Variants in TTC39B observed in about 807,000 individuals in gnomAD.
TTC39B encodes the protein tetratricopeptide repeat domain 39B.
Under a neutral mutation model 96.6 loss-of-function variants are expected in TTC39B, and 92 were observed. The ratio of observed to expected loss-of-function variants is 0.95; its 90% CI spans 0.80 to 1.13. The LOEUF is 1.13. Ranked by LOEUF, TTC39B falls within the 50% of genes most tolerant of loss-of-function variation. TTC39B has a pLI of 0.00. For missense variants in TTC39B, 955 were observed against 809.3 expected (o/e 1.18, Z -2.18); for synonymous variants, 367 against 299.4 (o/e 1.23, Z -2.33).
At chr9:15,283,585 G>A (rs1241249193) in intron 1 of TTC39B, among the ~76,000 whole-genome samples, 1 of 152,090 alleles carries the variant, frequency 6.6e-6, no homozygotes, top group African/African-American at 2.4e-5. Flanking sequence ...ACTCTCAGTG[G>A]AACCTGACAA....
intron 2 of TTC39B, among the ~76,000 whole-genome samples, chr9:15,257,542 C>T (rs776626253): frequency 1.8e-4 from 28 of 152,092 alleles, no homozygotes; most frequent in East Asian, 9.7e-4. Context: ...TCGACTTCTG[C>T]GGCTCAAATG....
At chr9:15,218,635 A>AAAAAAAAAAATATAT (rs374054306) in intron 3 of TTC39B, among the ~76,000 whole-genome samples, 1 of 149,448 alleles carries the variant, frequency 6.7e-6, no homozygotes, top group African/African-American at 2.5e-5. Context: ...GTCTATTTTA[A>AAAAAAAAAAATATAT]ATATATATAT....
chr9:15,285,022 G>A (rs2798737), intron 1 of TTC39B, among the ~76,000 whole-genome samples: 78,729 of 151,830 alleles, frequency 0.52, 20,639 homozygotes, highest in East Asian at 0.7. Context: ...AGCACTTTGG[G>A]AGGCCGAGGC....
chr9:15,200,714 G>A (rs1220489900), intron 7 of TTC39B, among the ~76,000 whole-genome samples: 2 of 152,218 alleles, frequency 1.3e-5, no homozygotes, highest in Admixed American at 1.3e-4. Flanking sequence ...TCAGAAAGAT[G>A]CTCTGGCTGG....
chr9:15,199,953 A>T (rs774267498), intron 7 of TTC39B, 28 bp from the exon 8 acceptor site: 1 of 1,385,846 alleles, frequency 7.2e-7, no homozygotes, highest in South Asian at 1.2e-5. Context: ...AAAAAATTAG[A>T]TTATTTAGCA....
Position 15,244,460 on chromosome 9 carries a change from C to T in TTC39B, c.276-18448G>A, listed in dbSNP as rs142287411. ...TGCAAAAGCAAAGCAGCAATAACAA[C>T]ACCTGCCCTATGTCCCTCCCAGAGA... On this transcript the variant is annotated intron_variant, in intron 2 of 19. Transcript: ENST00000512701. 9.2e-5 allele frequency among the ~76,000 whole-genome samples: 14 copies of T among 152,354 alleles called. No individual in the cohort carries two copies. In the East Asian group the frequency reaches 2.5e-3, roughly 27 times the overall value.
intron 17 of TTC39B, among the ~76,000 whole-genome samples, chr9:15,180,607 T>G (rs1016626115): frequency 1.3e-5 from 2 of 151,830 alleles, no homozygotes; most frequent in African/African-American, 4.8e-5. Flanking sequence ...ATAATGGGGG[T>G]GGGGGATGGG....
rs776954417 is a variant in TTC39B, at chr9:15,210,137, T to C, written c.642A>G (p.Glu214=). The change falls in exon 6 of 20, where the codon GAA becomes GAG. Residue 214 remains glutamate (E), a synonymous_variant. Coordinates refer to ENST00000512701, the Ensembl canonical transcript of TTC39B. ...CTCTAGAAAGAAGACTTGAGAAAGA[T>C]TCTACAACTGTGTATTTTTTCCTGT... is the stretch of plus-strand genomic sequence containing the variant. The C allele has an allele frequency of 6.8e-6, 11 of 1,606,444 alleles. No individual in the cohort carries two copies. In the South Asian group the frequency reaches 1.0e-4, roughly 15 times the overall value.
chr9:15,210,363 T>C (rs1000615213), intron 5 of TTC39B, among the ~76,000 whole-genome samples, 199 bp from the exon 6 acceptor site: 1 of 152,244 alleles, frequency 6.6e-6, no homozygotes, highest in Admixed American at 6.5e-5. Flanking sequence ...TTGTGGGAAC[T>C]CAGTCTGTGC....
intron 2 of TTC39B, among the ~76,000 whole-genome samples, chr9:15,266,535 A>C (rs1823136819): frequency 6.6e-6 from 1 of 152,200 alleles, no homozygotes; most frequent in Non-Finnish European, 1.5e-5. Flanking sequence ...TTTTGAAATA[A>C]TACCCAGTGA....
intron 2 of TTC39B, among the ~76,000 whole-genome samples, chr9:15,258,314 G>C (rs967973611): frequency 6.6e-5 from 10 of 152,140 alleles, no homozygotes; most frequent in African/African-American, 2.2e-4. Context: ...TAAAAGAAAA[G>C]AAAGGAATCA....
intron 1 of TTC39B, among the ~76,000 whole-genome samples, chr9:15,272,428 A>G (rs1378288202): frequency 1.3e-5 from 2 of 152,172 alleles, no homozygotes; most frequent in African/African-American, 2.4e-5. Context: ...TCCTTCCAAC[A>G]TAAGTAAAGT....
intron 1 of TTC39B, among the ~76,000 whole-genome samples, chr9:15,269,457 G>A (rs1205431249): frequency 1.3e-5 from 2 of 152,226 alleles, no homozygotes; most frequent in Non-Finnish European, 2.9e-5. Context: ...ATGAGGAAAG[G>A]GGGCTAGGGA....
At chr9:15,172,286 A>G (rs1817705119) in intron 19 of TTC39B, among the ~76,000 whole-genome samples, 177 bp from the exon 20 acceptor site, 1 of 152,082 alleles carries the variant, frequency 6.6e-6, no homozygotes, top group African/African-American at 2.4e-5. Context: ...GGGAACTGCA[A>G]TAATCTGCAT....
chr9:15,210,159 C>T, exon 6 of TTC39B: 1 of 1,591,396 alleles, frequency 6.3e-7, no homozygotes, highest in Non-Finnish European at 8.6e-7. Flanking sequence ...GTATTTTTTC[C>T]TGTATCTACA....
At chr9:15,236,745 G>A (rs924314920) in intron 2 of TTC39B, among the ~76,000 whole-genome samples, 4 of 152,076 alleles carry the variant, frequency 2.6e-5, no homozygotes, top group Non-Finnish European at 5.9e-5. Flanking sequence ...ATGAAATTAA[G>A]GCAGAAATAA....
At chr9:15,245,925 G>A (rs567610286) in intron 2 of TTC39B, among the ~76,000 whole-genome samples, 1 of 152,148 alleles carries the variant, frequency 6.6e-6, no homozygotes, top group Non-Finnish European at 1.5e-5. Flanking sequence ...CAGAGAACTT[G>A]GGTAGAATGG....
chr9:15,237,468 G>T lies in TTC39B; in HGVS notation c.276-11456C>A, dbSNP rs574829049. On this transcript the variant is annotated intron_variant, in intron 2 of 19. Coordinates refer to ENST00000512701, the Ensembl canonical transcript of TTC39B. ...AGGTGATATTACAACCAATACCACA[G>T]AAATACAAATGATCATAAGAGACTC... Among the ~76,000 whole-genome samples the T allele has an allele frequency of 2.6e-5, 4 of 152,152 alleles. No individual in the cohort carries two copies. The South Asian group carries it at 8.3e-4, about 32-fold the overall frequency.
At chr9:15,283,151 T>C (rs1295209128) in intron 1 of TTC39B, among the ~76,000 whole-genome samples, 1 of 152,146 alleles carries the variant, frequency 6.6e-6, no homozygotes, top group East Asian at 1.9e-4. Flanking sequence ...CTGGAAGGAA[T>C]CAATAAAGAA....
Sources: gnomAD v4.1 joint callset for allele counts (sites outside exome capture counted in the v4.1 genomes callset) on GRCh38, gnomAD v4.1.1 for gene constraint, MANE v1.5 for transcripts, NCBI Gene and HGNC (gene_info 2026-07-23, HGNC 2026-07-21) for gene names.